The following LTBP1 variants were observed in gnomAD, a reference collection of about 807,000 sequenced individuals.
LTBP1 encodes latent transforming growth factor beta binding protein 1.
Under a neutral mutation model 207.6 loss-of-function variants are expected in LTBP1, and 129 were observed. The ratio of observed to expected loss-of-function variants is 0.62; its 90% CI spans 0.54 to 0.72. LTBP1 has a LOEUF of 0.72. Among genes scored for constraint, LTBP1 ranks in the 30% least tolerant of loss-of-function variants. The pLI is 0.00. For synonymous variants in LTBP1, 963 were observed against 833.7 expected (o/e 1.16, Z -2.67); for missense variants, 2,281 against 2,217.2 (o/e 1.03, Z -0.58).
At chr2:33,168,118 G>T (rs942221720) in intron 5 of LTBP1, among the ~76,000 whole-genome samples, 2 of 152,162 alleles carry the variant, frequency 1.3e-5, no homozygotes, top group Non-Finnish European at 2.9e-5. Flanking sequence ...AGTGGCTCAT[G>T]CCTGCCATCT....
intron 2 of LTBP1, among the ~76,000 whole-genome samples, chr2:32,993,602 A>C (rs1221304120): frequency 6.6e-6 from 1 of 152,232 alleles, no homozygotes; most frequent in Non-Finnish European, 1.5e-5. Context: ...CTAGGAGACC[A>C]TAGAAATGTA....
intron 8 of LTBP1, among the ~76,000 whole-genome samples, chr2:33,220,733 A>G (rs2091048791): frequency 6.6e-6 from 1 of 152,222 alleles, no homozygotes; most frequent in Admixed American, 6.5e-5. Flanking sequence ...TGCCTGCTCT[A>G]GAGGTCTATG....
In LTBP1 at chr2:33,395,771, A is replaced by G. The variant is rs2095352598; in HGVS notation, c.4835-1362A>G. On this transcript the variant is annotated intron_variant, in intron 32 of 33. Coordinates refer to ENST00000404816, the MANE Select transcript of LTBP1 (RefSeq NM_206943.4). ...TGCTTTTTGGTGATCAAGGAGACCA[A>G]ACTCCATATCCTTGTCCAATTCCTC... Among the ~76,000 whole-genome samples the G allele has an allele frequency of 2.0e-5, 3 of 151,972 alleles. No homozygotes were observed. In the South Asian group the frequency reaches 6.3e-4, roughly 32 times the overall value.
chr2:33,275,797 G>A lies in LTBP1; in HGVS notation c.2870-4G>A, dbSNP rs371068444. On this transcript the variant is annotated splice_region_variant and splice_polypyrimidine_tract_variant and intron_variant, in intron 17 of 33. Transcript: ENST00000404816. The stretch of plus-strand genomic sequence containing the variant: ...AACTCAACAATGCTATCTGCTCTTC[G>A]TAGATGTTGACGAATGCCTGAGGCC... 1.1e-4 allele frequency: 170 copies of A among 1,613,912 alleles called. 2 individuals carry two copies. Among genetic ancestry groups the A allele is most frequent in the South Asian group, 7.2e-4 (66 of 91,084 alleles).
intron 10 of LTBP1, among the ~76,000 whole-genome samples, chr2:33,246,686 G>T (rs1051419527): frequency 6.6e-6 from 1 of 152,058 alleles, no homozygotes; most frequent in African/African-American, 2.4e-5. Context: ...CATGGTTATG[G>T]CCAAGGAACA....
chr2:33,027,471 G>A (rs927784357), intron 3 of LTBP1, among the ~76,000 whole-genome samples: 2 of 152,034 alleles, frequency 1.3e-5, no homozygotes, highest in Admixed American at 6.6e-5. Context: ...CTCATCCCAC[G>A]TAACTAACAT....
intron 2 of LTBP1, among the ~76,000 whole-genome samples, chr2:32,970,748 T>G (rs898820664): frequency 1.3e-5 from 2 of 152,124 alleles, no homozygotes; most frequent in Admixed American, 6.5e-5. Context: ...GGGCTCTTTT[T>G]TTTTTGTTCC....
intron 32 of LTBP1, 149 bp downstream of exon 32, chr2:33,389,455 C>A: frequency 9.2e-7 from 1 of 1,092,052 alleles, no homozygotes; most frequent in Non-Finnish European, 1.3e-6. Context: ...TGGGACCCAG[C>A]CATCTTTGTT....
chr2:33,396,828 G>A (rs959935813), intron 32 of LTBP1, among the ~76,000 whole-genome samples: 3 of 152,138 alleles, frequency 2.0e-5, no homozygotes, highest in Non-Finnish European at 4.4e-5. Flanking sequence ...TGGAACTTTG[G>A]ATGAACACTT....
intron 2 of LTBP1, among the ~76,000 whole-genome samples, chr2:32,975,816 C>T (rs1197857509): frequency 6.6e-6 from 1 of 151,838 alleles, no homozygotes; most frequent in East Asian, 1.9e-4. Context: ...TTATTGTATT[C>T]CTCAGATTCC....
At chr2:32,949,410 T>C (rs763940310) in intron 2 of LTBP1, among the ~76,000 whole-genome samples, 2 of 152,204 alleles carry the variant, frequency 1.3e-5, no homozygotes, top group Non-Finnish European at 2.9e-5. Flanking sequence ...GCAACCAGAA[T>C]CCTTCATCCT....
Position 33,188,746 on chromosome 2 carries a change from G to C in LTBP1, c.1596G>C (p.Gln532His), listed in dbSNP as rs1277013791. Residue 532 changes from glutamine (Q) to histidine (H), a missense_variant, in exon 7 of 34, where the codon CAG (glutamine) becomes CAC (histidine). Coordinates refer to ENST00000404816, the MANE Select transcript of LTBP1 (RefSeq NM_206943.4). ...SYQGLPVQKT[Q>H]TIHSTYSHQQ... The stretch of plus-strand genomic sequence containing the variant: ...AAGGGCTTCCTGTCCAGAAGACCCA[G>C]ACCATACATTCCACATACTCCCACC... 1.1e-5 allele frequency: 17 copies of C among 1,614,004 alleles called. No individual in the cohort carries two copies. The highest frequency in any genetic ancestry group is 1.4e-5 in the Non-Finnish European group (17 of 1,180,044).
Position 33,307,183 on chromosome 2 carries a change from G to A in LTBP1, c.3482-2251G>A, listed in dbSNP as rs948283711. Among the ~76,000 whole-genome samples the A allele has an allele frequency of 1.3e-5, 2 of 152,188 alleles. 1 individual carries two copies. Among genetic ancestry groups the A allele is most frequent in the South Asian group, 4.1e-4 (2 of 4,830 alleles). The stretch of plus-strand genomic sequence containing the variant: ...TGTGGAACAATCGGAGTTCTCATAT[G>A]TTTCCTGTGGGAATGTAATTGCTAC... On this transcript the variant is annotated intron_variant, in intron 22 of 33. Transcript: ENST00000404816.
rs1418303420 is a variant in LTBP1 at position 33,347,386 on chromosome 2, G to T, written c.3876G>T (p.Leu1292=). 1 of 1,614,164 alleles carries T rather than the reference G, an allele frequency of 6.2e-7. No homozygotes were observed. The highest frequency in any genetic ancestry group is 1.1e-5 in the South Asian group (1 of 91,080). The change falls in exon 26 of 34, where the codon CTG becomes CTT. Residue 1292 remains leucine, a synonymous_variant. Transcript: ENST00000404816. ...QGCVDVNECE[L]LSGVCGEAFC... is the part of the protein sequence containing the mutation. ...TTCCAGATGTGAATGAATGTGAACT[G>T]CTCAGTGGGGTGTGTGGTGAAGCCT... is the stretch of plus-strand genomic sequence containing the variant.
chr2:33,200,229 T>C (rs914421778), intron 7 of LTBP1, among the ~76,000 whole-genome samples: 1 of 152,104 alleles, frequency 6.6e-6, no homozygotes, highest in Non-Finnish European at 1.5e-5. Flanking sequence ...CAAACTATAC[T>C]ACAAGGCTAC....
At chr2:33,371,405 A>G (rs2095065632) in intron 31 of LTBP1, among the ~76,000 whole-genome samples, 1 of 152,104 alleles carries the variant, frequency 6.6e-6, no homozygotes. Context: ...AGGATCCTCA[A>G]ATTTGTGGTC....
At chr2:32,962,814 C>T (rs1679338576) in intron 2 of LTBP1, among the ~76,000 whole-genome samples, 1 of 152,234 alleles carries the variant, frequency 6.6e-6, no homozygotes, top group Non-Finnish European at 1.5e-5. Context: ...TCAGCTCCGC[C>T]TGGGAACTTG....
intron 24 of LTBP1, among the ~76,000 whole-genome samples, chr2:33,330,937 G>C (rs1220306117): frequency 6.6e-6 from 1 of 151,546 alleles, no homozygotes; most frequent in Non-Finnish European, 1.5e-5. Context: ...TTGCAGTTAA[G>C]ATTTCATTAA....
intron 19 of LTBP1, among the ~76,000 whole-genome samples, chr2:33,292,013 T>G (rs1361582208): frequency 6.6e-6 from 1 of 152,200 alleles, no homozygotes; most frequent in Non-Finnish European, 1.5e-5. Context: ...CCTATAAGAT[T>G]AAGCCTAATT....
Sources: gnomAD v4.1 joint callset for allele counts (sites outside exome capture counted in the v4.1 genomes callset) on GRCh38, gnomAD v4.1.1 for gene constraint, MANE v1.5 for transcripts, NCBI Gene and HGNC (gene_info 2026-07-23, HGNC 2026-07-21) for gene names.